The following PRRG2 variants were observed in gnomAD, a reference collection of about 807,000 sequenced individuals.
The protein encoded by PRRG2 is transmembrane gamma-carboxyglutamic acid protein 2.
A neutral mutation model predicts 27.1 loss-of-function variants in PRRG2; 23 were observed. The observed-to-expected ratio is 0.85, with a 90% CI of 0.61 to 1.20. PRRG2 has a LOEUF of 1.20. PRRG2 is among the 50% of genes most tolerant of loss of function. The pLI is 0.00. For missense variants in PRRG2, 276 were observed against 254.8 expected, an observed-to-expected ratio of 1.08 and a Z score of -0.57; for synonymous variants, 104 against 103.4, an observed-to-expected ratio of 1.01 and a Z score of -0.03.
chr19:49,588,568 G>T lies in PRRG2; in HGVS notation c.373G>T (p.Gly125Cys), dbSNP rs767144565. 4 of 1,560,784 alleles carry T rather than the reference G, an allele frequency of 2.6e-6. No homozygotes were observed. Among genetic ancestry groups the T allele is most frequent in the Non-Finnish European group, 3.5e-6 (4 of 1,152,714 alleles). The part of the protein sequence containing the change: ...TGGILLIVLA[G>C]LGAFWYLRWR... The stretch of plus-strand genomic sequence containing the variant: ...TGGCATCCTGCTCATTGTCCTGGCC[G>T]GCCTGGGAGCCTTTTGGTATCTGCG... The change falls in exon 5 of 7, where the codon GGC (glycine) becomes TGC (cysteine). Residue 125 changes from glycine (G) to cysteine (C), a missense_variant. Gly to Cys is a radical substitution (Grantham distance 159, BLOSUM62 -3). Transcript: ENST00000246794.
chr19:49,582,548 C>A (rs1005852845), intron 1 of PRRG2, among the ~76,000 whole-genome samples: 1 of 151,948 alleles, frequency 6.6e-6, no homozygotes, highest in African/African-American at 2.4e-5. Context: ...AGGCAGATCA[C>A]TTGAGGTCAG....
chr19:49,583,361 A>G, intron 2 of PRRG2, 57 bp downstream of exon 2: 1 of 1,578,160 alleles, frequency 6.3e-7, no homozygotes, highest in Non-Finnish European at 8.7e-7. Context: ...CCCCTGACTC[A>G]GGAATGTTTC....
chr19:49,585,807 C>T (rs531118312), intron 4 of PRRG2, among the ~76,000 whole-genome samples: 150 of 149,954 alleles, frequency 1.0e-3, no homozygotes, highest in African/African-American at 3.6e-3. Flanking sequence ...TGGCTGGGCG[C>T]GGTGGCTCAC....
At position 49,590,640 on chromosome 19, in the gene PRRG2, G is replaced by A; in HGVS notation, c.*251G>A. The A allele has an allele frequency of 1.8e-6, 1 of 566,880 alleles. No homozygotes were observed. 35.1% of individuals were successfully genotyped at this position (566,880 alleles called of 1,614,324 possible). On this transcript the variant is annotated 3_prime_UTR_variant, in exon 7 of 7. Coordinates refer to ENST00000246794, the MANE Select transcript of PRRG2 (RefSeq NM_000951.3). ...ACACTCTCCTGACCGTGAGGGCACT[G>A]GTCAGTTCCGCCCCCGTGGTAGGCA...
chr19:49,582,724 C>T (rs1223164781), intron 1 of PRRG2, among the ~76,000 whole-genome samples: 9 of 151,956 alleles, frequency 5.9e-5, no homozygotes, highest in East Asian at 5.8e-4. Context: ...AAAAATTAGC[C>T]GGGCATGGTG....
chr19:49,583,332 G>A, intron 2 of PRRG2, 28 bp downstream of exon 2: 3 of 1,608,192 alleles, frequency 1.9e-6, no homozygotes, highest in Non-Finnish European at 2.6e-6. Context: ...GTGGCATCCA[G>A]ACACTTGGCG....
intron 6 of PRRG2, 45 bp downstream of exon 6, chr19:49,590,097 G>A (rs2080706153): frequency 6.9e-7 from 1 of 1,453,468 alleles, no homozygotes; most frequent in South Asian, 1.4e-5. Context: ...CAGAGGGGTG[G>A]GCACGTTGGA....
At chr19:49,589,380 CCT>C (rs1298244550) in intron 5 of PRRG2, among the ~76,000 whole-genome samples, 3 of 150,946 alleles carry the variant, frequency 2.0e-5, no homozygotes, top group Non-Finnish European at 4.4e-5. Flanking sequence ...CCCGCCTTGG[CCT>C]CCCAAAGTGC....
intron 4 of PRRG2, among the ~76,000 whole-genome samples, chr19:49,587,322 T>A (rs2080678137): frequency 7.3e-6 from 1 of 136,370 alleles, no homozygotes; most frequent in African/African-American, 3.0e-5. Flanking sequence ...ACATGTGACA[T>A]CCTTTTTTTT....
intron 5 of PRRG2, 122 bp downstream of exon 5, chr19:49,588,754 A>G (rs1599778476): frequency 4.9e-6 from 6 of 1,223,222 alleles, no homozygotes; most frequent in Non-Finnish European, 6.5e-6. Context: ...CTAAGGACAC[A>G]GTCATTTGGA....
At position 49,590,649 on chromosome 19, in the gene PRRG2, C is replaced by G. The variant is rs2080714374; in HGVS notation, c.*260C>G. The G allele has an allele frequency of 1.8e-6, 1 of 545,294 alleles. No homozygotes were observed. Among genetic ancestry groups the G allele is most frequent in the East Asian group, 3.2e-5 (1 of 31,322 alleles). The allele number at this position is 545,294 out of a possible 1,614,324, so 33.8% of individuals were successfully genotyped here. A position where few individuals can be genotyped will look rare whatever the true frequency, so the allele number is the denominator to read the frequency against. On this transcript the variant is annotated 3_prime_UTR_variant, in exon 7 of 7. Transcript: ENST00000246794. ...TGACCGTGAGGGCACTGGTCAGTTC[C>G]GCCCCCGTGGTAGGCAGACGCGCGG...
chr19:49,584,750 C>T (rs1300288275), intron 4 of PRRG2, among the ~76,000 whole-genome samples: 2 of 152,178 alleles, frequency 1.3e-5, no homozygotes, highest in Non-Finnish European at 2.9e-5. Context: ...AGGTGCCAGG[C>T]CCCCCACCAC....
upstream of PRRG2, chr19:49,580,690 T>G (rs2080615666): frequency 6.6e-6 from 1 of 152,176 alleles, no homozygotes; most frequent in Non-Finnish European, 1.5e-5. Context: ...TCTCTTCTCT[T>G]TCTCTCTCCG....
chr19:49,581,914 C>T lies in PRRG2; in HGVS notation c.-14+433C>T, dbSNP rs898264235. On this transcript the variant is annotated intron_variant, in intron 1 of 6. Transcript: ENST00000246794. ...GGCAAGCTATATTACCTCTCTGTGCCTCAGTTTCCTGTTCTCTATACTGGG... is the reference window on the plus strand; with the variant it reads ...GGCAAGCTATATTACCTCTCTGTGCTTCAGTTTCCTGTTCTCTATACTGGG... Among the ~76,000 whole-genome samples, 5 of 152,028 alleles carry T rather than the reference C, an allele frequency of 3.3e-5. No individual in the cohort carries two copies. The South Asian group carries it at 6.2e-4, about 19-fold the overall frequency.
chr19:49,588,665 T>G, intron 5 of PRRG2, 33 bp downstream of exon 5: 1 of 1,507,750 alleles, frequency 6.6e-7, no homozygotes, highest in Non-Finnish European at 8.8e-7. Context: ...GGGGTGGTGG[T>G]GGAGAGCAGG....
chr19:49,580,793 C>G (rs1490377091), upstream of PRRG2: 2 of 152,126 alleles, frequency 1.3e-5, no homozygotes, highest in African/African-American at 4.8e-5. Flanking sequence ...CCAGGGAGAT[C>G]GTTTTTTCCT....
chr19:49,588,981 T>C (rs1240683078), intron 5 of PRRG2, among the ~76,000 whole-genome samples: 4 of 152,088 alleles, frequency 2.6e-5, no homozygotes, highest in Non-Finnish European at 4.4e-5. Flanking sequence ...CTGTGGTATG[T>C]CAGTTTCAGT....
rs761366682 is a variant in PRRG2, at chr19:49,583,565, GC to G, written c.112del (p.Gln38ArgfsTer4). On this transcript the variant is annotated frameshift_variant, in exon 3 of 7. Coordinates refer to ENST00000246794, the MANE Select transcript of PRRG2 (RefSeq NM_000951.3). LOFTEE classifies it high-confidence loss of function. ...DQEVFLGPPE[A>X]QSFLSSHTRI... ...AGAAGTCTTCCTGGGTCCCCCAGAG[GC>G]CCAGAGCTTCCTGAGTAGCCATACC... 3 of 1,614,166 alleles carry G rather than the reference GC, an allele frequency of 1.9e-6. No individual in the cohort carries two copies. The highest frequency in any genetic ancestry group is 2.5e-6 in the Non-Finnish European group (3 of 1,180,020).
intron 6 of PRRG2, 150 bp from the exon 7 acceptor site, chr19:49,590,221 T>C: frequency 7.0e-7 from 1 of 1,428,868 alleles, no homozygotes; most frequent in Non-Finnish European, 9.7e-7. Context: ...GGCCCAGCGT[T>C]GTATGTGTGG....
Sources: allele counts gnomAD v4.1 joint callset (sites outside exome capture counted in the v4.1 genomes callset), GRCh38; gene constraint gnomAD v4.1.1; transcripts MANE v1.5; gene names NCBI Gene and HGNC (gene_info 2026-07-23, HGNC 2026-07-21).